ESF1: variants seen among roughly 807,000 people sequenced by gnomAD.
The protein encoded by ESF1 is ESF1 homolog.
Under a neutral mutation model 92.0 loss-of-function variants are expected in ESF1, and 58 were observed. The ratio of observed to expected loss-of-function variants is 0.63; its 90% CI spans 0.51 to 0.78. The LOEUF (loss-of-function observed/expected upper bound fraction) is 0.78. Among genes scored for constraint, ESF1 ranks in the 30% least tolerant of loss-of-function variants. The pLI, the probability that ESF1 is intolerant of heterozygous loss-of-function variation, is 0.00. For synonymous variants in ESF1, 321 were observed against 313.7 expected (o/e 1.02, Z -0.24); for missense variants, 922 against 989.1 (o/e 0.93, Z 0.91).
rs78509779 is a variant in ESF1, at chr20:13,717,482, G to A, written c.2148C>T (p.Asp716=). ...AATTGAAGTGTTTCTTACTGTCCTC[G>A]TCCTCATCCATCATAAGCAAAGCCA... ...AEMALLMMDE[D]EDSKKHFNYN... is the part of the protein sequence containing the mutation. Residue 716 remains aspartate, a synonymous_variant, in exon 13 of 14, where the codon GAC becomes GAT. Transcript: ENST00000617257. The A allele has an allele frequency of 7.1e-4, 1,152 of 1,613,688 alleles. 15 individuals are homozygous for A. The East Asian group carries it at 0.022, about 31-fold the overall frequency.
chr20:13,724,397 T>C (rs77254448), intron 11 of ESF1, among the ~76,000 whole-genome samples: 4,591 of 152,326 alleles, frequency 0.03, 227 homozygotes, highest in African/African-American at 0.1. Flanking sequence ...CAGATCCTTA[T>C]ATCTGGAAGG....
intron 7 of ESF1, among the ~76,000 whole-genome samples, chr20:13,768,903 AAAAAAAAAAAG>A (rs896590205): frequency 1.3e-4 from 19 of 151,392 alleles, no homozygotes; most frequent in African/African-American, 4.3e-4. Flanking sequence ...GTCTCAAAAA[AAAAAAAAAAAG>A]AAAGAAAGGA....
At chr20:13,762,610 A>G (rs1189430860) in intron 8 of ESF1, among the ~76,000 whole-genome samples, 1 of 152,150 alleles carries the variant, frequency 6.6e-6, no homozygotes, top group Non-Finnish European at 1.5e-5. Flanking sequence ...TAGTTTGTGA[A>G]ACCCTTAATA....
At chr20:13,760,957 A>G (rs1337328052) in intron 8 of ESF1, among the ~76,000 whole-genome samples, 1 of 152,222 alleles carries the variant, frequency 6.6e-6, no homozygotes, top group Non-Finnish European at 1.5e-5. Context: ...AGGTGGGGAA[A>G]AGACTGAGAA....
intron 8 of ESF1, 138 bp downstream of exon 8, chr20:13,766,639 T>A (rs1343382792): frequency 6.5e-6 from 5 of 766,286 alleles, no homozygotes; most frequent in East Asian, 2.9e-5. Context: ...AAATTTTTTT[T>A]TAAAAAAATC....
chr20:13,733,882 T>C lies in ESF1; in HGVS notation c.1829-40A>G, dbSNP rs1186976752. ...AAATAGTTTAGCTTAAAATGTCTTA[T>C]TGTCTGGCAATCACTTAAACATATA... is the stretch of plus-strand genomic sequence containing the variant. On this transcript the variant is annotated intron_variant, in intron 9 of 13. Transcript: ENST00000617257. 8 of 1,566,340 alleles carry C rather than the reference T, an allele frequency of 5.1e-6. No individual in the cohort carries two copies. In the East Asian group the frequency reaches 1.6e-4, roughly 31 times the overall value.
chr20:13,732,201 T>A (rs558365298), intron 10 of ESF1, among the ~76,000 whole-genome samples: 1 of 152,028 alleles, frequency 6.6e-6, no homozygotes, highest in Non-Finnish European at 1.5e-5. Context: ...TCTGACACTA[T>A]CTCCAGGTAG....
At chr20:13,736,080 G>GA (rs1228374482) in intron 9 of ESF1, among the ~76,000 whole-genome samples, 1 of 152,154 alleles carries the variant, frequency 6.6e-6, no homozygotes, top group Admixed American at 6.5e-5. Flanking sequence ...GGGGGAAGAT[G>GA]AAAGTCCATT....
At chr20:13,756,225 T>C (rs1004061027) in intron 9 of ESF1, among the ~76,000 whole-genome samples, 3 of 152,194 alleles carry the variant, frequency 2.0e-5, no homozygotes, top group African/African-American at 7.2e-5. Flanking sequence ...TGCTCAATGA[T>C]CTTATATGTA....
At chr20:13,749,596 T>C (rs1978528676) in intron 9 of ESF1, among the ~76,000 whole-genome samples, 1 of 152,030 alleles carries the variant, frequency 6.6e-6, no homozygotes, top group African/African-American at 2.4e-5. Context: ...GATGGAGTCT[T>C]GCTCTGTCAC....
chr20:13,763,269 G>A (rs949552313), intron 8 of ESF1, among the ~76,000 whole-genome samples: 5 of 152,322 alleles, frequency 3.3e-5, no homozygotes, highest in African/African-American at 1.2e-4. Flanking sequence ...AGCTATGGAA[G>A]AAAGATATAG....
chr20:13,774,161 C>CT (rs1429610388), intron 4 of ESF1, among the ~76,000 whole-genome samples: 1 of 151,986 alleles, frequency 6.6e-6, no homozygotes, highest in Non-Finnish European at 1.5e-5. Flanking sequence ...TATTGGTATC[C>CT]TTTTTCTTAA....
chr20:13,721,656 G>A (rs78631076), intron 11 of ESF1, among the ~76,000 whole-genome samples: 1,906 of 152,314 alleles, frequency 0.013, 12 homozygotes, highest in Non-Finnish European at 0.018. Context: ...TCCTCTGTGT[G>A]TATTAAGTCC....
intron 9 of ESF1, among the ~76,000 whole-genome samples, chr20:13,751,063 A>G (rs1028257776): frequency 1.3e-5 from 2 of 152,236 alleles, no homozygotes; most frequent in Non-Finnish European, 2.9e-5. Flanking sequence ...AAAGGTTATT[A>G]TGTTATCCAT....
intron 8 of ESF1, among the ~76,000 whole-genome samples, chr20:13,763,266 GAAGA>G (rs1292831864): frequency 6.6e-6 from 1 of 152,194 alleles, no homozygotes; most frequent in African/African-American, 2.4e-5. Context: ...CACAGCTATG[GAAGA>G]AAGATATAGG....
intron 1 of ESF1, among the ~76,000 whole-genome samples, chr20:13,783,687 C>T (rs561789685): frequency 1.4e-4 from 22 of 152,264 alleles, no homozygotes; most frequent in Admixed American, 3.9e-4. Context: ...TGGTGGCGCG[C>T]GCCTGTAGTC....
chr20:13,775,910 C>T lies in ESF1; in HGVS notation c.998G>A (p.Trp333Ter). The change falls in exon 3 of 14, where the codon TGG (tryptophan) becomes TAG (stop). Residue 333 changes from tryptophan (W) to a stop codon, truncating the protein, a stop_gained. Transcript: ENST00000617257. LOFTEE classifies it high-confidence loss of function. The stretch of plus-strand genomic sequence containing the variant: ...AGGAGCATCTTTATCTAATTCTCTC[C>T]AAGCATGCTCAAAACCAGATTCTTC... ...FPEESGFEHA[W>*]RELDKDAPRA... 6.2e-7 allele frequency: 1 copy of T among 1,612,722 alleles called. No homozygotes were observed. Among genetic ancestry groups the T allele is most frequent in the Non-Finnish European group, 8.5e-7 (1 of 1,179,426 alleles).
chr20:13,747,259 AT>A (rs1349435621), intron 9 of ESF1, among the ~76,000 whole-genome samples: 3 of 82,286 alleles, frequency 3.6e-5, no homozygotes, highest in Non-Finnish European at 7.5e-5. Context: ...TGAGTTGTAT[AT>A]TAAAAAAAAA....
intron 10 of ESF1, among the ~76,000 whole-genome samples, chr20:13,730,604 T>C (rs2049936151): frequency 6.6e-6 from 1 of 151,588 alleles, no homozygotes; most frequent in Non-Finnish European, 1.5e-5. Context: ...CAGGATGGTC[T>C]TGATCTCCTG....
Sources: allele counts gnomAD v4.1 joint callset (sites outside exome capture counted in the v4.1 genomes callset), GRCh38; gene constraint gnomAD v4.1.1; transcripts MANE v1.5; gene names NCBI Gene and HGNC (gene_info 2026-07-23, HGNC 2026-07-21).